DDX60L: variants seen among roughly 807,000 people sequenced by gnomAD.
DDX60L encodes the protein DExD/H-box 60 like.
A neutral mutation model predicts 211.6 loss-of-function variants in DDX60L; 191 were observed. That is an observed-to-expected ratio of 0.90 (90% CI 0.80 to 1.02). The LOEUF is 1.02. Ranked by LOEUF, DDX60L falls within the 50% of genes least tolerant of loss-of-function variation. The pLI is 0.00. For missense variants in DDX60L, 2,007 were observed against 1,984.1 expected, an observed-to-expected ratio of 1.01 and a Z score of -0.22; for synonymous variants, 706 against 694.1, an observed-to-expected ratio of 1.02 and a Z score of -0.27.
intron 10 of DDX60L, among the ~76,000 whole-genome samples, chr4:168,439,441 C>T (rs1371406614): frequency 6.6e-6 from 1 of 152,088 alleles, no homozygotes; most frequent in African/African-American, 2.4e-5. Flanking sequence ...CAAAGCTCCA[C>T]CCTCCCCTTC....
chr4:168,368,154 T>G (rs1740310316), intron 36 of DDX60L, among the ~76,000 whole-genome samples: 1 of 152,228 alleles, frequency 6.6e-6, no homozygotes, highest in East Asian at 1.9e-4. Context: ...GAGGTCTTCA[T>G]GGCAGACCCT....
At chr4:168,414,737 TA>T (rs1389891835) in intron 22 of DDX60L, among the ~76,000 whole-genome samples, 1 of 152,062 alleles carries the variant, frequency 6.6e-6, no homozygotes, top group Non-Finnish European at 1.5e-5. Flanking sequence ...GTCACTATGT[TA>T]AGTGAAATAA....
At chr4:168,368,747 C>T (rs765987517) in intron 36 of DDX60L, among the ~76,000 whole-genome samples, 1 of 152,250 alleles carries the variant, frequency 6.6e-6, no homozygotes, top group Non-Finnish European at 1.5e-5. Flanking sequence ...TGGAAACCCA[C>T]CTCTTGCATC....
intron 10 of DDX60L, among the ~76,000 whole-genome samples, chr4:168,434,984 A>G (rs1394584857): frequency 5.3e-5 from 8 of 152,194 alleles, no homozygotes; most frequent in African/African-American, 1.9e-4. Flanking sequence ...GCTATTTATC[A>G]GGGTAACTGT....
chr4:168,391,468 A>G, intron 29 of DDX60L, 72 bp downstream of exon 29: 1 of 979,994 alleles, frequency 1.0e-6, no homozygotes. Flanking sequence ...CTGTTACCAG[A>G]TGTGAGTGCC....
rs375456607 is a variant in DDX60L, at chr4:168,387,593, CT to C, written c.3916-2782del. Among the ~76,000 whole-genome samples the C allele has an allele frequency of 5.7e-3, 861 of 152,214 alleles. 3 individuals are homozygous for C. The highest frequency in any genetic ancestry group is 9.7e-3 in the Non-Finnish European group (663 of 68,022). On this transcript the variant is annotated intron_variant, in intron 29 of 37. Transcript: ENST00000682922. ...GTTTTGCCTCTGCAGATCTCATATCCTTTTGTTAACACTCTTATAATAGCCC... is the reference window on the plus strand; with the variant it reads ...GTTTTGCCTCTGCAGATCTCATATCCTTTGTTAACACTCTTATAATAGCCC...
chr4:168,425,598 C>T (rs1296563136), intron 14 of DDX60L, among the ~76,000 whole-genome samples: 1 of 152,098 alleles, frequency 6.6e-6, no homozygotes, highest in East Asian at 1.9e-4. Flanking sequence ...CCCGTCTCTA[C>T]TAAAAATACA....
rs1757355827 is a variant in DDX60L, at chr4:168,461,819, G to A, written c.486C>T (p.Ile162=). 1 of 1,607,390 alleles carries A rather than the reference G, an allele frequency of 6.2e-7. No homozygotes were observed. Among genetic ancestry groups the A allele is most frequent in the East Asian group, 2.2e-5 (1 of 44,802 alleles). ...TGACTTTCATTCCCCAGGAATGTAT[G>A]ATTAGGAAGTTAAAAAGGTACGTTT... The part of the protein sequence containing the change: ...DLQTYLFNFL[I]IHSWGMKVNV... The change falls in exon 5 of 38, where the codon ATC becomes ATT. Residue 162 remains isoleucine, a synonymous_variant. Coordinates refer to ENST00000682922, the MANE Select transcript of DDX60L (RefSeq NM_001012967.3).
At chr4:168,389,368 A>AT (rs1744416157) in intron 29 of DDX60L, among the ~76,000 whole-genome samples, 1 of 152,172 alleles carries the variant, frequency 6.6e-6, no homozygotes, top group African/African-American at 2.4e-5. Context: ...AATCCATATC[A>AT]TTTTTTTCAA....
At chr4:168,423,239 G>A (rs1296644671) in intron 15 of DDX60L, among the ~76,000 whole-genome samples, 1 of 152,088 alleles carries the variant, frequency 6.6e-6, no homozygotes, top group African/African-American at 2.4e-5. Flanking sequence ...CCTGGAATTG[G>A]AACCTGGAAC....
Position 168,423,724 on chromosome 4 carries a change from G to A in DDX60L, c.1981C>T (p.His661Tyr). The A allele has an allele frequency of 3.1e-6, 5 of 1,604,876 alleles. No individual in the cohort carries two copies. The highest frequency in any genetic ancestry group is 4.2e-6 in the Non-Finnish European group (5 of 1,176,738). Residue 661 changes from histidine to tyrosine, a missense_variant, in exon 15 of 38, where the codon CAT becomes TAT. Transcript: ENST00000682922. ...TCTGGGTATCTCTCCAGGAGTGAAT[G>A]AATCCTTTTCATCATTTGAACAGCT... ...SIAVQMMKRIHSLLERYPEIL... is the reference protein window; with the variant it reads ...SIAVQMMKRIYSLLERYPEIL...
rs189412625 is a variant in DDX60L at position 168,448,924 on chromosome 4, T to C, written c.997-145A>G. 2.6e-3 allele frequency: 1,884 copies of C among 720,786 alleles called. 11 individuals carry two copies. Among genetic ancestry groups the C allele is most frequent in the Non-Finnish European group, 3.2e-3 (1,394 of 442,524 alleles). The allele number at this position is 720,786 out of a possible 1,614,324, so 44.6% of individuals were successfully genotyped here. On this transcript the variant is annotated intron_variant, in intron 8 of 37. Coordinates refer to ENST00000682922, the MANE Select transcript of DDX60L (RefSeq NM_001012967.3). ...CAATCACAAATATTACAGATGGTGATCTATAAGTCCCCAAACTAATGCTTT... is the reference window on the plus strand; with the variant it reads ...CAATCACAAATATTACAGATGGTGACCTATAAGTCCCCAAACTAATGCTTT...
chr4:168,375,831 G>A (rs1741856405), intron 33 of DDX60L, among the ~76,000 whole-genome samples: 1 of 152,206 alleles, frequency 6.6e-6, no homozygotes, highest in South Asian at 2.1e-4. Context: ...GACATATTTA[G>A]AGAGCAAGTA....
intron 7 of DDX60L, among the ~76,000 whole-genome samples, chr4:168,455,294 G>C (rs1014808807): frequency 1.3e-5 from 2 of 151,508 alleles, no homozygotes; most frequent in South Asian, 4.2e-4. Flanking sequence ...GTGTGTGTGT[G>C]TGTGTGTACT....
chr4:168,456,204 T>TA, intron 6 of DDX60L, 52 bp from the exon 7 acceptor site: 1 of 1,114,744 alleles, frequency 9.0e-7, no homozygotes, highest in Non-Finnish European at 1.2e-6. Flanking sequence ...AATATTCTTT[T>TA]ACTCAGAAGT....
chr4:168,428,489 G>A (rs1751824212), intron 13 of DDX60L, among the ~76,000 whole-genome samples: 1 of 152,094 alleles, frequency 6.6e-6, no homozygotes, highest in Non-Finnish European at 1.5e-5. Context: ...AAAGAGAAAT[G>A]TTTTCATTTT....
At chr4:168,473,744 C>A (rs1174360719) in intron 1 of DDX60L, among the ~76,000 whole-genome samples, 2 of 152,114 alleles carry the variant, frequency 1.3e-5, no homozygotes, top group Admixed American at 6.5e-5. Context: ...GGGTCACCCC[C>A]AAAATAAGTT....
chr4:168,454,550 C>T (rs1348180392), intron 7 of DDX60L, among the ~76,000 whole-genome samples: 2 of 152,080 alleles, frequency 1.3e-5, no homozygotes, highest in Non-Finnish European at 2.9e-5. Context: ...CATAACATCC[C>T]AGCTCTGTAG....
At chr4:168,454,398 T>C (rs1756225525) in intron 7 of DDX60L, among the ~76,000 whole-genome samples, 1 of 152,182 alleles carries the variant, frequency 6.6e-6, no homozygotes, top group Non-Finnish European at 1.5e-5. Flanking sequence ...GTCAAGACAC[T>C]GTATGAGTCA....
Sources: gnomAD v4.1 joint callset for allele counts (sites outside exome capture counted in the v4.1 genomes callset) on GRCh38, gnomAD v4.1.1 for gene constraint, MANE v1.5 for transcripts, NCBI Gene and HGNC (gene_info 2026-07-23, HGNC 2026-07-21) for gene names.